USP34: variants seen among roughly 807,000 people sequenced by gnomAD.
The protein encoded by USP34 is ubiquitin carboxyl-terminal hydrolase 34.
A neutral mutation model predicts 460.3 loss-of-function variants in USP34; 70 were observed. The observed-to-expected ratio is 0.15, with a 90% CI of 0.13 to 0.19. The LOEUF (loss-of-function observed/expected upper bound fraction) is 0.19. Ranked by LOEUF, USP34 falls within the 10% of genes least tolerant of loss-of-function variation. USP34 has a pLI of 1.00. For missense variants in USP34, 3,985 were observed against 4,236.2 expected (o/e 0.94, Z 1.65); for synonymous variants, 1,647 against 1,405.3 (o/e 1.17, Z -3.85).
chr2:61,447,692 G>T (rs780260128), intron 1 of USP34, among the ~76,000 whole-genome samples: 6 of 151,882 alleles, frequency 4.0e-5, no homozygotes, highest in Non-Finnish European at 8.8e-5. Context: ...TGTGAAATTG[G>T]TTTTTTTAGT....
At position 61,296,845 on chromosome 2, in the gene USP34, T is replaced by C. The variant is rs763785743; in HGVS notation, c.4209A>G (p.Thr1403=). Residue 1403 remains threonine, a synonymous_variant, in exon 30 of 80, where the codon ACA becomes ACG. Coordinates refer to ENST00000398571, the MANE Select transcript of USP34 (RefSeq NM_014709.4). The part of the protein sequence containing the change: ...RVWELLMLLP[T]CPNMLMAFQN... ...GGAATGCCATCAACATATTAGGACA[T>C]GTAGGAAGAAGCATCAGTAGCTCCC... 6.8e-6 allele frequency: 11 copies of C among 1,613,832 alleles called. No homozygotes were observed. In the South Asian group the frequency reaches 7.7e-5, roughly 11 times the overall value.
At chr2:61,206,724 G>T (rs770899849) in intron 71 of USP34, 36 bp downstream of exon 71, 1 of 1,606,006 alleles carries the variant, frequency 6.2e-7, no homozygotes, top group South Asian at 1.1e-5. Flanking sequence ...TTTACTAGTA[G>T]CACGAACAAA....
At chr2:61,313,218 A>G (rs1001243402) in intron 25 of USP34, among the ~76,000 whole-genome samples, 1 of 152,178 alleles carries the variant, frequency 6.6e-6, no homozygotes, top group Non-Finnish European at 1.5e-5. Context: ...AAATAAAAAG[A>G]TATCAAGGAC....
At position 61,187,504 on chromosome 2, in the gene USP34, GC is replaced by G; in HGVS notation, c.*597del. ...TCAGTTTAATTAAGTGCACAGAATA[GC>G]AATCAATCAATCAGTCATGTCAATA... On this transcript the variant is annotated 3_prime_UTR_variant, in exon 80 of 80. Transcript: ENST00000398571. 16 of 982,130 alleles carry G rather than the reference GC, an allele frequency of 1.6e-5. No homozygotes were observed. Among genetic ancestry groups the G allele is most frequent in the Non-Finnish European group, 1.9e-5 (16 of 826,766 alleles). 60.8% of individuals were successfully genotyped at this position (982,130 alleles called of 1,614,324 possible).
chr2:61,444,937 C>T (rs1467499061), intron 1 of USP34, among the ~76,000 whole-genome samples: 1 of 126,308 alleles, frequency 7.9e-6, no homozygotes, highest in Non-Finnish European at 1.7e-5. Context: ...AAAAAAAAAA[C>T]TGAGCAAGTG....
At chr2:61,242,484 C>CACACAT (rs1688295980) in intron 51 of USP34, among the ~76,000 whole-genome samples, 1 of 151,470 alleles carries the variant, frequency 6.6e-6, no homozygotes, top group Non-Finnish European at 1.5e-5. Context: ...CACACACACA[C>CACACAT]ACACACACAC....
chr2:61,364,558 T>TA (rs1248898891), intron 10 of USP34, among the ~76,000 whole-genome samples: 1 of 152,172 alleles, frequency 6.6e-6, no homozygotes, highest in African/African-American at 2.4e-5. Flanking sequence ...GTGAAAATGG[T>TA]AAATTTTATG....
rs750166745 is a variant in USP34 at position 61,406,145 on chromosome 2, AT to A, written c.132-18del. On this transcript the variant is annotated intron_variant, in intron 2 of 79. Coordinates refer to ENST00000398571, the MANE Select transcript of USP34 (RefSeq NM_014709.4). ...AGACATTGCCTATAAGAGAAAAAAA[AT>A]TGAATAAATTAGTAATAAAGCAGCA... The A allele has an allele frequency of 8.0e-6, 12 of 1,501,884 alleles. No individual in the cohort carries two copies. Among genetic ancestry groups the A allele is most frequent in the Admixed American group, 2.5e-5 (1 of 40,494 alleles). The allele number at this position is 1,501,884 out of a possible 1,614,324, so 93.0% of individuals were successfully genotyped here.
intron 27 of USP34, among the ~76,000 whole-genome samples, chr2:61,304,624 T>C (rs865816311): frequency 2.0e-5 from 3 of 152,236 alleles, no homozygotes; most frequent in Admixed American, 6.5e-5. Flanking sequence ...AAGCACTATC[T>C]ATGAGAAAGC....
chr2:61,426,816 T>A (rs1694525590), intron 1 of USP34, among the ~76,000 whole-genome samples: 1 of 152,200 alleles, frequency 6.6e-6, no homozygotes, highest in Non-Finnish European at 1.5e-5. Context: ...ACAGGGGTGC[T>A]TGTGTCACTC....
intron 21 of USP34, among the ~76,000 whole-genome samples, chr2:61,320,080 A>T (rs1690869332): frequency 6.6e-6 from 1 of 152,198 alleles, no homozygotes; most frequent in African/African-American, 2.4e-5. Flanking sequence ...TTAAACACAA[A>T]CAATAACAAA....
At chr2:61,254,594 GT>G (rs1688670690) in intron 48 of USP34, among the ~76,000 whole-genome samples, 1 of 152,104 alleles carries the variant, frequency 6.6e-6, no homozygotes, top group Admixed American at 6.5e-5. Flanking sequence ...ATTTCTATTT[GT>G]CTTTCAATAT....
intron 3 of USP34, among the ~76,000 whole-genome samples, chr2:61,402,373 C>T (rs189624746): frequency 6.6e-5 from 10 of 152,206 alleles, no homozygotes; most frequent in Non-Finnish European, 1.3e-4. Flanking sequence ...AAAATATCAG[C>T]TTTGATGGGG....
chr2:61,276,687 A>G (rs1689382288), intron 41 of USP34, among the ~76,000 whole-genome samples: 1 of 152,342 alleles, frequency 6.6e-6, no homozygotes, highest in South Asian at 2.1e-4. Flanking sequence ...TAGTTTATAT[A>G]TAAGAGAAGA....
At chr2:61,426,029 A>T (rs2103985457) in intron 1 of USP34, among the ~76,000 whole-genome samples, 2 of 152,072 alleles carry the variant, frequency 1.3e-5, no homozygotes, top group Middle Eastern at 3.4e-3. Flanking sequence ...CTGGGCCAGA[A>T]GACAGGAGCT....
intron 15 of USP34, chr2:61,346,310 T>C (rs1369073764): frequency 6.7e-6 from 1 of 148,742 alleles, no homozygotes; most frequent in Non-Finnish European, 1.5e-5. Context: ...AGGTCTGGGG[T>C]TCAAGACCAG....
chr2:61,280,831 C>A (rs1055699117), intron 38 of USP34, among the ~76,000 whole-genome samples: 1 of 152,192 alleles, frequency 6.6e-6, no homozygotes, highest in African/African-American at 2.4e-5. Flanking sequence ...GGCCCAGAAC[C>A]GAGTGAGAAT....
At chr2:61,454,232 C>T (rs943146487) in intron 1 of USP34, among the ~76,000 whole-genome samples, 1 of 152,194 alleles carries the variant, frequency 6.6e-6, no homozygotes, top group Admixed American at 6.5e-5. Flanking sequence ...TCAAGTGATT[C>T]TCCTGCCTCT....
At chr2:61,257,858 C>T (rs1485808854) in intron 44 of USP34, among the ~76,000 whole-genome samples, 2 of 152,078 alleles carry the variant, frequency 1.3e-5, no homozygotes, top group African/African-American at 4.8e-5. Context: ...CTGGCAACAG[C>T]AAGACTCCAT....
Sources: allele counts gnomAD v4.1 joint callset (sites outside exome capture counted in the v4.1 genomes callset), GRCh38; gene constraint gnomAD v4.1.1; transcripts MANE v1.5; gene names NCBI Gene and HGNC (gene_info 2026-07-23, HGNC 2026-07-21).